The following EDA variants were observed in gnomAD, a reference collection of about 807,000 sequenced individuals.
EDA encodes the protein ectodysplasin-A.
In EDA, 2 loss-of-function variants were observed where a neutral mutation model predicts 23.6. That is an observed-to-expected ratio of 0.08 (90% CI 0.03 to 0.27). The LOEUF is 0.27. EDA is among the 10% of genes least tolerant of loss of function. The pLI is 1.00. For synonymous variants in EDA, 131 were observed against 132.0 expected, an observed-to-expected ratio of 0.99 and a Z score of 0.05; for missense variants, 229 against 324.2, an observed-to-expected ratio of 0.71 and a Z score of 2.26.
chrX:69,712,015 G>A (rs2012072498), intron 1 of EDA, among the ~76,000 whole-genome samples: 1 of 110,683 alleles, frequency 9.0e-6, no homozygotes, highest in African/African-American at 3.3e-5. Context: ...TCTGATCTTA[G>A]TTATTTCTTG....
intron 1 of EDA, among the ~76,000 whole-genome samples, chrX:69,775,167 A>G (rs2014742667): frequency 9.0e-6 from 1 of 111,648 alleles, no homozygotes; most frequent in South Asian, 3.8e-4. Flanking sequence ...TTTCAGACAG[A>G]ACTCCTATTC....
At chrX:70,020,966 G>A (rs1200079889) in intron 2 of EDA, among the ~76,000 whole-genome samples, 4 of 112,022 alleles carry the variant, frequency 3.6e-5, no homozygotes, top group Non-Finnish European at 3.8e-5. Context: ...ATGTATATAC[G>A]TATGTATGCA....
At chrX:69,937,902 A>C (rs1183262857) in intron 1 of EDA, 1 of 1,199,212 alleles carries the variant, frequency 8.3e-7, no homozygotes, top group Non-Finnish European at 1.1e-6. Flanking sequence ...CTCGGTGTCC[A>C]TAGCAACGTA....
intron 1 of EDA, among the ~76,000 whole-genome samples, chrX:69,630,857 A>G (rs756673000): frequency 1.8e-5 from 2 of 111,322 alleles, no homozygotes; most frequent in South Asian, 3.8e-4. Flanking sequence ...CCCTCTGACA[A>G]TTTATTTCCA....
rs765581177 is a variant in EDA at position 69,878,186 on chromosome X, T to C, written c.397-78841T>C. ...AATTTTCCTAGGGCATATGTACAAA[T>C]CACAGTGATTTCCATTGTGCAACAG... On this transcript the variant is annotated intron_variant, in intron 1 of 7. Transcript: ENST00000374552. Among the ~76,000 whole-genome samples, 26 of 112,429 alleles carry C rather than the reference T, an allele frequency of 2.3e-4. 1 individual carries two copies. Among genetic ancestry groups the C allele is most frequent in the Admixed American group, 6.5e-4 (7 of 10,721 alleles).
chrX:69,726,830 C>T (rs1217409408), intron 1 of EDA, among the ~76,000 whole-genome samples: 5 of 112,323 alleles, frequency 4.5e-5, no homozygotes, highest in Non-Finnish European at 7.5e-5. Context: ...CAGGCAGGTG[C>T]ACAAGCCTGG....
chrX:69,938,104 T>C, intron 1 of EDA: 2 of 888,616 alleles, frequency 2.3e-6, no homozygotes, highest in Non-Finnish European at 3.1e-6. Context: ...TTGTCCTTTA[T>C]TTATGTACTT....
At chrX:69,790,248 G>T (rs752176445) in intron 1 of EDA, among the ~76,000 whole-genome samples, 2 of 109,808 alleles carry the variant, frequency 1.8e-5, no homozygotes, top group African/African-American at 6.6e-5. Flanking sequence ...AAGTTTTAGG[G>T]TACATGTGCA....
chrX:69,764,931 T>C (rs1220251358), intron 1 of EDA, among the ~76,000 whole-genome samples: 4 of 111,991 alleles, frequency 3.6e-5, no homozygotes, highest in African/African-American at 1.3e-4. Context: ...TGAAGTCACT[T>C]TAACTTAAAA....
At chrX:69,785,616 A>G (rs2015134297) in intron 1 of EDA, among the ~76,000 whole-genome samples, 1 of 110,428 alleles carries the variant, frequency 9.1e-6, no homozygotes, top group African/African-American at 3.3e-5. Flanking sequence ...CGCATATTGA[A>G]CCAGCCTTGC....
At chrX:69,699,415 T>C (rs2011470327) in intron 1 of EDA, among the ~76,000 whole-genome samples, 1 of 110,667 alleles carries the variant, frequency 9.0e-6, no homozygotes, top group Non-Finnish European at 1.9e-5. Context: ...CATGGTGATG[T>C]GGGGAGTTTC....
At position 69,939,834 on chromosome X, in the gene EDA, A is replaced by G. The variant is rs374532330; in HGVS notation, c.397-17193A>G. On this transcript the variant is annotated intron_variant, in intron 1 of 7. Transcript: ENST00000374552. ...TTATCAAACTCTTTTTTCAGCATCA[A>G]TTGAAATGATCATATCATTTTTGTC... 8.9e-5 allele frequency among the ~76,000 whole-genome samples: 10 copies of G among 112,120 alleles called. No individual in the cohort carries two copies. The East Asian group carries it at 1.4e-3, about 16-fold the overall frequency.
rs1196332672 is a variant in EDA, at chrX:69,653,612, T to C, written c.396+36908T>C. Among the ~76,000 whole-genome samples the C allele has an allele frequency of 6.3e-5, 7 of 110,655 alleles. No homozygotes were observed. The East Asian group carries it at 2.0e-3, about 32-fold the overall frequency. The stretch of plus-strand genomic sequence containing the variant: ...ATTCAGTATGATAATGGCTGTGGGT[T>C]TGGAACAGAACAGAGCCCTCAGAAA... On this transcript the variant is annotated intron_variant, in intron 1 of 7. Coordinates refer to ENST00000374552, the MANE Select transcript of EDA (RefSeq NM_001399.5).
In EDA at chrX:69,616,536, C is replaced by T. The variant is rs1295641329; in HGVS notation, c.228C>T (p.Ser76=). ...TGCGGCGGGAACGTGGAGCCGAGTC[C>T]CGCCTTGGCGGCTCGGGCACCCCTG... ...SELRRERGAE[S]RLGGSGTPGT... is the part of the protein sequence containing the mutation. Residue 76 remains serine (S), a synonymous_variant, in exon 1 of 8, where the codon TCC becomes TCT. Coordinates refer to ENST00000374552, the MANE Select transcript of EDA (RefSeq NM_001399.5). 2.5e-6 allele frequency: 3 copies of T among 1,210,078 alleles called. No individual in the cohort carries two copies. In the African/African-American group the frequency reaches 5.2e-5, roughly 21 times the overall value.
intron 1 of EDA, among the ~76,000 whole-genome samples, chrX:69,672,250 A>G (rs1439916020): frequency 9.0e-6 from 1 of 111,336 alleles, no homozygotes; most frequent in Non-Finnish European, 1.9e-5. Flanking sequence ...TTTAAATGGG[A>G]AACCTGAGGT....
At chrX:69,787,761 T>A (rs2147463376) in intron 1 of EDA, among the ~76,000 whole-genome samples, 1 of 110,550 alleles carries the variant, frequency 9.0e-6, no homozygotes, top group East Asian at 2.9e-4. Context: ...AATCTGACAA[T>A]TATGTGTCTT....
intron 1 of EDA, among the ~76,000 whole-genome samples, chrX:69,811,148 A>G (rs1379415543): frequency 8.9e-6 from 1 of 112,091 alleles, no homozygotes; most frequent in Non-Finnish European, 1.9e-5. Flanking sequence ...GGGCCCATAT[A>G]TAGTACAAGA....
intron 2 of EDA, among the ~76,000 whole-genome samples, chrX:70,018,691 G>A (rs1179228332): frequency 2.7e-5 from 3 of 111,593 alleles, no homozygotes; most frequent in Non-Finnish European, 5.7e-5. Flanking sequence ...TTAACTCAAG[G>A]TGGATTAAAT....
intron 1 of EDA, among the ~76,000 whole-genome samples, chrX:69,829,028 T>G (rs181692110): frequency 5.7e-4 from 64 of 112,554 alleles, no homozygotes; most frequent in African/African-American, 1.9e-3. Context: ...TTATGCCCCT[T>G]CATCATCATC....
Sources: gnomAD v4.1 joint callset for allele counts (sites outside exome capture counted in the v4.1 genomes callset) on GRCh38, gnomAD v4.1.1 for gene constraint, MANE v1.5 for transcripts, NCBI Gene and HGNC (gene_info 2026-07-23, HGNC 2026-07-21) for gene names.